The following ERMP1 variants were observed in gnomAD, a reference collection of about 807,000 sequenced individuals.
ERMP1 encodes Felix-ina.
Under a neutral mutation model 92.0 loss-of-function variants are expected in ERMP1, and 86 were observed. The observed-to-expected ratio is 0.93, with a 90% CI of 0.79 to 1.12. The LOEUF is 1.12. ERMP1 is among the 50% of genes most tolerant of loss of function. The pLI is 0.00. For missense variants in ERMP1, 1,342 were observed against 1,116.3 expected, an observed-to-expected ratio of 1.20 and a Z score of -2.88; for synonymous variants, 530 against 412.8, an observed-to-expected ratio of 1.28 and a Z score of -3.44.
At chr9:5,848,991 T>C (rs997492669) in intron 6 of ERMP1, among the ~76,000 whole-genome samples, 1 of 152,060 alleles carries the variant, frequency 6.6e-6, no homozygotes, top group African/African-American at 2.4e-5. Flanking sequence ...AGTTTTACAG[T>C]TAGTTTGATT....
Position 5,787,115 on chromosome 9 carries a change from G to A in ERMP1, c.*29C>T, listed in dbSNP as rs780081634. ...AACCATGTCACATGGAGTATCCACTGGGCATGTACTTAGAGCTCATCCACA... is the reference window on the plus strand; with the variant it reads ...AACCATGTCACATGGAGTATCCACTAGGCATGTACTTAGAGCTCATCCACA... On this transcript the variant is annotated 3_prime_UTR_variant, in exon 15 of 15. Coordinates refer to ENST00000339450, the MANE Select transcript of ERMP1 (RefSeq NM_024896.3). 1.9e-6 allele frequency: 3 copies of A among 1,595,038 alleles called. No individual in the cohort carries two copies. The highest frequency in any genetic ancestry group is 3.4e-5 in the Admixed American group (2 of 58,706).
chr9:5,831,766 C>A (rs1038749825), intron 1 of ERMP1, among the ~76,000 whole-genome samples: 2 of 152,112 alleles, frequency 1.3e-5, no homozygotes, highest in Non-Finnish European at 2.9e-5. Context: ...GCGGGGGAAA[C>A]TTTTGATGGA....
rs534451763 is a variant in ERMP1, at chr9:5,806,894, G to T, written c.1549-1109C>A. 6.6e-5 allele frequency among the ~76,000 whole-genome samples: 10 copies of T among 152,242 alleles called. No homozygotes were observed. The South Asian group carries it at 8.3e-4, about 13-fold the overall frequency. ...TCAAGGGCTCAAGAGTTTCTGTGAC[G>T]TGTTTTCAAAACAAGTTACAGTTCA... On this transcript the variant is annotated intron_variant, in intron 8 of 14. Coordinates refer to ENST00000339450, the MANE Select transcript of ERMP1 (RefSeq NM_024896.3).
intron 13 of ERMP1, among the ~76,000 whole-genome samples, chr9:5,792,712 G>A (rs767941653): frequency 2.0e-5 from 3 of 152,128 alleles, no homozygotes; most frequent in Non-Finnish European, 4.4e-5. Context: ...TCCCAGGGAG[G>A]GATGAATTGA....
At chr9:5,817,513 C>A (rs956842293) in intron 4 of ERMP1, among the ~76,000 whole-genome samples, 9 of 152,360 alleles carry the variant, frequency 5.9e-5, no homozygotes, top group African/African-American at 1.7e-4. Context: ...TTAATCAGTA[C>A]CCTATCCTAC....
At chr9:5,827,586 G>A (rs1288676164) in intron 2 of ERMP1, among the ~76,000 whole-genome samples, 4 of 152,178 alleles carry the variant, frequency 2.6e-5, no homozygotes. Flanking sequence ...CTAGGGCCAG[G>A]CGCAGTGGCT....
rs971546393 is a variant in ERMP1, at chr9:5,838,303, A to G, written n.3200-4991T>C. Among the ~76,000 whole-genome samples, 11 of 152,218 alleles carry G rather than the reference A, an allele frequency of 7.2e-5. No homozygotes were observed. The East Asian group carries it at 1.9e-3, about 27-fold the overall frequency. On this transcript the variant is annotated intron_variant and non_coding_transcript_variant, in intron 6 of 6. Coordinates refer to the ERMP1 transcript ENST00000690753. Reference sequence around the variant, plus strand: ...ATGCCTATAACTCCAGCACTTCGGAAGGTCGAGGGGGGTGAATCACTTGAG... The same window carrying G: ...ATGCCTATAACTCCAGCACTTCGGAGGGTCGAGGGGGGTGAATCACTTGAG...
intron 3 of ERMP1, 56 bp from the exon 4 acceptor site, chr9:5,824,057 T>C (rs1481459644): frequency 7.0e-7 from 1 of 1,424,676 alleles, no homozygotes; most frequent in Non-Finnish European, 9.8e-7. Flanking sequence ...ATTATCAGTC[T>C]TGATTTTGCT....
rs531372404 is a variant in ERMP1, at chr9:5,847,009, G to A, written n.3199+12459C>T. ...CGATGGCCTCCCCCAACCAGATTCA[G>A]CATATTCTCTCCTGCATCCTCTCAG... On this transcript the variant is annotated intron_variant and non_coding_transcript_variant, in intron 6 of 6. Coordinates refer to the ERMP1 transcript ENST00000690753. Among the ~76,000 whole-genome samples, 18 of 152,254 alleles carry A rather than the reference G, an allele frequency of 1.2e-4. No homozygotes were observed. In the South Asian group the frequency reaches 3.5e-3, roughly 30 times the overall value.
intron 13 of ERMP1, among the ~76,000 whole-genome samples, 154 bp downstream of exon 13, chr9:5,797,663 A>G (rs1281288633): frequency 1.3e-5 from 2 of 149,174 alleles, no homozygotes; most frequent in Non-Finnish European, 3.0e-5. Flanking sequence ...AAAAAAAAAA[A>G]GAAGTCATAA....
upstream of ERMP1, among the ~76,000 whole-genome samples, chr9:5,836,957 C>T (rs1381288052): frequency 6.6e-6 from 1 of 152,156 alleles, no homozygotes; most frequent in South Asian, 2.1e-4. Flanking sequence ...GGCTGGTCCC[C>T]TGTGTTTTCT....
chr9:5,788,014 AAT>A, intron 13 of ERMP1, among the ~76,000 whole-genome samples: 1 of 152,322 alleles, frequency 6.6e-6, no homozygotes, highest in East Asian at 1.9e-4. Flanking sequence ...AACACCTTAA[AAT>A]ATGTTTTACT....
chr9:5,792,488 A>G (rs1828239062), intron 13 of ERMP1, among the ~76,000 whole-genome samples: 1 of 152,192 alleles, frequency 6.6e-6, no homozygotes, highest in Admixed American at 6.5e-5. Flanking sequence ...ATCTGACACT[A>G]AAAGTTTTTC....
chr9:5,850,209 C>T (rs1029329090), intron 6 of ERMP1, among the ~76,000 whole-genome samples: 3 of 151,816 alleles, frequency 2.0e-5, no homozygotes, highest in African/African-American at 7.3e-5. Context: ...TCCTCGAGAC[C>T]AGCCTGGCCA....
At chr9:5,818,997 A>G (rs1004279965) in intron 4 of ERMP1, among the ~76,000 whole-genome samples, 15 of 152,342 alleles carry the variant, frequency 9.8e-5, no homozygotes, top group African/African-American at 2.6e-4. Context: ...TCTCAAATAA[A>G]ACTGTTTAAT....
intron 4 of ERMP1, among the ~76,000 whole-genome samples, chr9:5,817,162 T>C (rs1043339428): frequency 1.3e-5 from 2 of 151,876 alleles, no homozygotes; most frequent in Non-Finnish European, 2.9e-5. Flanking sequence ...CCTCCCAAAG[T>C]GCTGGGATTA....
chr9:5,865,332 C>T (rs1261319003), intron 5 of ERMP1, among the ~76,000 whole-genome samples: 1 of 151,084 alleles, frequency 6.6e-6, no homozygotes, highest in Admixed American at 6.6e-5. Flanking sequence ...ACGGTGAAAC[C>T]CCGTCTCTAC....
chr9:5,847,595 TACAAA>T (rs895210563), intron 6 of ERMP1, among the ~76,000 whole-genome samples: 1 of 148,418 alleles, frequency 6.7e-6, no homozygotes. Flanking sequence ...GAATAACATG[TACAAA>T]ACAAAACAAA....
chr9:5,791,613 A>G (rs967488308), intron 13 of ERMP1, among the ~76,000 whole-genome samples: 13 of 152,226 alleles, frequency 8.5e-5, no homozygotes. Flanking sequence ...CACTTTTTAA[A>G]ACACCTCACA....
Sources: allele counts gnomAD v4.1 joint callset (sites outside exome capture counted in the v4.1 genomes callset), GRCh38; gene constraint gnomAD v4.1.1; transcripts MANE v1.5; gene names NCBI Gene and HGNC (gene_info 2026-07-23, HGNC 2026-07-21).